The following OGN variants were observed in gnomAD, a reference collection of about 807,000 sequenced individuals.
OGN encodes mimecan.
A neutral mutation model predicts 30.8 loss-of-function variants in OGN; 19 were observed. That is an observed-to-expected ratio of 0.62 (90% CI 0.43 to 0.90). OGN has a LOEUF of 0.90. OGN is among the 40% of genes least tolerant of loss of function. The pLI, the probability that OGN is intolerant of heterozygous loss-of-function variation, is 0.00. For missense variants in OGN, 283 were observed against 349.7 expected (o/e 0.81, Z 1.52); for synonymous variants, 126 against 128.3 (o/e 0.98, Z 0.12).
At chr9:92,391,994 G>A (rs765099960) in intron 4 of OGN, among the ~76,000 whole-genome samples, 59 of 151,768 alleles carry the variant, frequency 3.9e-4, no homozygotes, top group Non-Finnish European at 6.6e-4. Context: ...AATGTGTAGC[G>A]GGGCTAGTAT....
At chr9:92,386,180 T>C (rs1393800550) in intron 6 of OGN, 21 bp downstream of exon 6, 1 of 1,507,602 alleles carries the variant, frequency 6.6e-7, no homozygotes, top group South Asian at 1.1e-5. Context: ...GAGTCAGATA[T>C]TGTGAAAGGA....
intron 5 of OGN, among the ~76,000 whole-genome samples, chr9:92,388,576 T>A (rs1193236540): frequency 6.6e-6 from 1 of 151,490 alleles, no homozygotes; most frequent in Non-Finnish European, 1.5e-5. Context: ...CACGGTGGCT[T>A]ACGCCTGTAA....
chr9:92,399,946 A>G (rs778560140), intron 3 of OGN, among the ~76,000 whole-genome samples: 36 of 152,258 alleles, frequency 2.4e-4, no homozygotes, highest in Middle Eastern at 3.4e-3. Context: ...ATTCCTACAT[A>G]TACTTGTTAC....
intron 3 of OGN, among the ~76,000 whole-genome samples, chr9:92,399,618 C>A (rs1843026899): frequency 6.6e-6 from 1 of 152,138 alleles, no homozygotes; most frequent in African/African-American, 2.4e-5. Flanking sequence ...CACCCAGATT[C>A]TTTTCTAGTA....
intron 5 of OGN, among the ~76,000 whole-genome samples, chr9:92,387,658 C>T (rs1462965380): frequency 2.0e-5 from 3 of 152,178 alleles, no homozygotes; most frequent in African/African-American, 7.2e-5. Flanking sequence ...AAGCTCTTGT[C>T]TTCCCAGTGA....
intron 5 of OGN, 89 bp from the exon 6 acceptor site, chr9:92,386,385 G>A: frequency 1.3e-6 from 1 of 780,156 alleles, no homozygotes; most frequent in Non-Finnish European, 2.3e-6. Flanking sequence ...ATGAGTATAT[G>A]TCTATATATA....
intron 4 of OGN, among the ~76,000 whole-genome samples, chr9:92,392,044 A>G (rs1375788642): frequency 6.6e-6 from 1 of 152,006 alleles, no homozygotes; most frequent in Non-Finnish European, 1.5e-5. Context: ...TCTTGACAAT[A>G]TTAGGAGTCT....
intron 4 of OGN, among the ~76,000 whole-genome samples, chr9:92,391,944 T>C (rs1038885112): frequency 6.6e-6 from 1 of 151,980 alleles, no homozygotes; most frequent in Non-Finnish European, 1.5e-5. Flanking sequence ...ATTTGGGAGC[T>C]ATCAGTGGCA....
intron 1 of OGN, 134 bp from the exon 2 acceptor site, chr9:92,403,616 T>G (rs1159549463): frequency 2.5e-6 from 3 of 1,211,150 alleles, no homozygotes; most frequent in Non-Finnish European, 3.1e-6. Context: ...GCAGTTTTTA[T>G]GTATCAGTGA....
chr9:92,399,046 C>T (rs1843002642), intron 3 of OGN, among the ~76,000 whole-genome samples: 1 of 150,144 alleles, frequency 6.7e-6, no homozygotes, highest in Admixed American at 6.6e-5. Flanking sequence ...GAGAGCGAGA[C>T]TCTGTCTCAA....
At chr9:92,392,270 G>A (rs1842715127) in intron 4 of OGN, among the ~76,000 whole-genome samples, 1 of 152,004 alleles carries the variant, frequency 6.6e-6, no homozygotes, top group Non-Finnish European at 1.5e-5. Flanking sequence ...ATGTTGCTTG[G>A]GCCCTACCCC....
intron 6 of OGN, among the ~76,000 whole-genome samples, 181 bp from the exon 7 acceptor site, chr9:92,385,971 T>G (rs1842403450): frequency 1.3e-5 from 2 of 152,218 alleles, no homozygotes; most frequent in Non-Finnish European, 2.9e-5. Flanking sequence ...AAGAGCAGAC[T>G]TCACACGTAC....
At chr9:92,389,762 G>A in intron 5 of OGN, 92 bp downstream of exon 5, 1 of 772,134 alleles carries the variant, frequency 1.3e-6, no homozygotes, top group South Asian at 1.9e-5. Context: ...TAGTTTTTAA[G>A]TGTAATCAAA....
At chr9:92,399,766 T>TTTTTAAA (rs1447121105) in intron 3 of OGN, among the ~76,000 whole-genome samples, 1 of 152,230 alleles carries the variant, frequency 6.6e-6, no homozygotes, top group African/African-American at 2.4e-5. Flanking sequence ...CCATTTTTGC[T>TTTTTAAA]TCAGTGATTT....
chr9:92,390,225 C>T (rs1048801535), intron 4 of OGN, among the ~76,000 whole-genome samples, 169 bp from the exon 5 acceptor site: 1 of 152,144 alleles, frequency 6.6e-6, no homozygotes, highest in African/African-American at 2.4e-5. Context: ...TCACTGAACA[C>T]CTCTTTGTGC....
chr9:92,392,441 G>A (rs972882454), intron 4 of OGN, among the ~76,000 whole-genome samples: 11 of 152,072 alleles, frequency 7.2e-5, no homozygotes, highest in African/African-American at 2.4e-4. Flanking sequence ...GGCCAACATG[G>A]TGAAACCCCA....
intron 6 of OGN, 100 bp from the exon 7 acceptor site, chr9:92,385,890 C>T (rs1003338817): frequency 1.9e-5 from 20 of 1,050,096 alleles, no homozygotes; most frequent in Non-Finnish European, 2.6e-5. Context: ...TCTGAGTGCC[C>T]CCTCACTTCA....
intron 5 of OGN, 107 bp downstream of exon 5, chr9:92,389,747 C>G (rs972586657): frequency 2.9e-6 from 2 of 699,848 alleles, no homozygotes; most frequent in African/African-American, 3.6e-5. Flanking sequence ...TTTATTAAAT[C>G]AAAATAGTTT....
chr9:92,386,124 A>G lies in OGN; in HGVS notation c.726+77T>C, dbSNP rs939264308. On this transcript the variant is annotated intron_variant, in intron 6 of 6. Transcript: ENST00000375561. ...TCTAACCAAAATTTGTATGTGAATA[A>G]GTGAGGTTCCCAATGAGTCACAAGA... is the stretch of plus-strand genomic sequence containing the variant. 5 of 1,104,618 alleles carry G rather than the reference A, an allele frequency of 4.5e-6. No individual in the cohort carries two copies. The African/African-American group carries it at 7.8e-5, about 17-fold the overall frequency. The allele number at this position is 1,104,618 out of a possible 1,614,324, so 68.4% of individuals were successfully genotyped here.
Sources: allele counts gnomAD v4.1 joint callset (sites outside exome capture counted in the v4.1 genomes callset), GRCh38; gene constraint gnomAD v4.1.1; transcripts MANE v1.5; gene names NCBI Gene and HGNC (gene_info 2026-07-23, HGNC 2026-07-21).